RB1: variants seen among roughly 807,000 people sequenced by gnomAD.
RB1 encodes retinoblastoma-associated protein.
Under a neutral mutation model 135.4 loss-of-function variants are expected in RB1, and 18 were observed. That is an observed-to-expected ratio of 0.13 (90% CI 0.09 to 0.20). The LOEUF is 0.20. Among genes scored for constraint, RB1 ranks in the 10% least tolerant of loss-of-function variants. The probability of loss-of-function intolerance (pLI) is 1.00; values close to 1 mark genes in which losing one functional copy is unlikely to be tolerated. For missense variants in RB1, 868 were observed against 1,110.0 expected (o/e 0.78, Z 3.10); for synonymous variants, 365 against 373.2 (o/e 0.98, Z 0.25).
intron 17 of RB1, among the ~76,000 whole-genome samples, chr13:48,443,565 C>T (rs1949258716): frequency 6.6e-6 from 1 of 152,054 alleles, no homozygotes. Context: ...TCAAATAAAA[C>T]CTTTTAAACT....
At chr13:48,436,927 A>G (rs576015634) in intron 17 of RB1, among the ~76,000 whole-genome samples, 1 of 152,258 alleles carries the variant, frequency 6.6e-6, no homozygotes, top group East Asian at 1.9e-4. Flanking sequence ...CACTTCCTCT[A>G]TTGTTAATTT....
chr13:48,411,612 G>C (rs766294393), intron 17 of RB1: 12 of 1,611,948 alleles, frequency 7.4e-6, no homozygotes, highest in Non-Finnish European at 1.0e-5. Flanking sequence ...TGGGTACATT[G>C]TCCTTACTGC....
intron 2 of RB1, among the ~76,000 whole-genome samples, chr13:48,330,103 G>C (rs1566182314): frequency 6.7e-6 from 1 of 149,004 alleles, no homozygotes; most frequent in Non-Finnish European, 1.5e-5. Flanking sequence ...AATCAAAATG[G>C]AAATTAAAAA....
intron 2 of RB1, among the ~76,000 whole-genome samples, chr13:48,330,349 T>C (rs1323874677): frequency 6.6e-6 from 1 of 151,248 alleles, no homozygotes; most frequent in Non-Finnish European, 1.5e-5. Context: ...AATGAAAGAC[T>C]CAAAAAACAA....
chr13:48,325,615 A>G (rs1426050167), intron 2 of RB1, among the ~76,000 whole-genome samples: 1 of 152,040 alleles, frequency 6.6e-6, no homozygotes, highest in African/African-American at 2.4e-5. Context: ...ATTATTCTAC[A>G]CCTTGCTTTT....
At chr13:48,389,504 G>A (rs1430985388) in intron 17 of RB1, 4 of 152,186 alleles carry the variant, frequency 2.6e-5, no homozygotes, top group Non-Finnish European at 5.9e-5. Flanking sequence ...AAATCAGAAA[G>A]GTAGGGTTTA....
chr13:48,369,621 C>T (rs950639312), intron 11 of RB1, among the ~76,000 whole-genome samples: 4 of 152,188 alleles, frequency 2.6e-5, no homozygotes, highest in Admixed American at 6.5e-5. Context: ...TTCTTTCTCA[C>T]TCTGTGTTAG....
At chr13:48,464,581 G>A (rs1251398104) in intron 21 of RB1, among the ~76,000 whole-genome samples, 8 of 152,134 alleles carry the variant, frequency 5.3e-5, no homozygotes, top group East Asian at 3.8e-4. Context: ...GGGGGATACC[G>A]GGAGGTACAG....
In RB1 at chr13:48,367,049, G is replaced by A. The variant is rs550681862; in HGVS notation, c.940-445G>A. Among the ~76,000 whole-genome samples the A allele has an allele frequency of 4.1e-4, 60 of 145,280 alleles. 1 individual carries two copies. The highest frequency in any genetic ancestry group is 1.3e-3 in the South Asian group (6 of 4,650). On this transcript the variant is annotated intron_variant, in intron 9 of 26. Coordinates refer to ENST00000267163, the MANE Select transcript of RB1 (RefSeq NM_000321.3). The stretch of plus-strand genomic sequence containing the variant: ...CAGGAAAGTTGCTTGAACCCCGGGG[G>A]CAGAGGTGGCAGTGAGCCGAGATTG...
At chr13:48,376,770 A>G in intron 12 of RB1, 148 bp from the exon 13 acceptor site, 1 of 1,150,278 alleles carries the variant, frequency 8.7e-7, no homozygotes, top group Non-Finnish European at 1.2e-6. Context: ...TTGTCTGCTT[A>G]TGTTCAGTAG....
In RB1 at chr13:48,480,308, T is replaced by C. The variant is rs1949530845; in HGVS notation, c.*237T>C. Reference sequence around the variant, plus strand: ...TGTGTAAATCCTGCCATTTAAAAAGTTGTAGCAGATTGTTTCCTCTTCCAA... The same window carrying C: ...TGTGTAAATCCTGCCATTTAAAAAGCTGTAGCAGATTGTTTCCTCTTCCAA... On this transcript the variant is annotated 3_prime_UTR_variant, in exon 27 of 27. Transcript: ENST00000267163. The C allele has an allele frequency of 3.7e-6, 2 of 547,278 alleles. No homozygotes were observed. The highest frequency in any genetic ancestry group is 6.6e-6 in the Non-Finnish European group (2 of 304,212). The allele number at this position is 547,278 out of a possible 1,614,324, so 33.9% of individuals were successfully genotyped here. A position where few individuals can be genotyped will look rare whatever the true frequency, so the allele number is the denominator to read the frequency against.
chr13:48,377,810 G>A (rs943313687), intron 13 of RB1, among the ~76,000 whole-genome samples: 2 of 152,058 alleles, frequency 1.3e-5, no homozygotes, highest in Non-Finnish European at 2.9e-5. Flanking sequence ...AAACCTAGAT[G>A]GTATAGCCGA....
At chr13:48,377,137 A>G in intron 13 of RB1, 103 bp downstream of exon 13, 17 of 1,234,534 alleles carry the variant, frequency 1.4e-5, no homozygotes, top group Non-Finnish European at 2.0e-5. Flanking sequence ...GTCTAGTAGT[A>G]TAAAATACTG....
chr13:48,444,070 A>G (rs1056984805), intron 17 of RB1, among the ~76,000 whole-genome samples: 6 of 152,050 alleles, frequency 3.9e-5, no homozygotes, highest in Non-Finnish European at 8.8e-5. Context: ...CTACTTGGAG[A>G]TAGTGTCAGA....
At chr13:48,368,218 A>T (rs1371945340) in intron 10 of RB1, among the ~76,000 whole-genome samples, 1 of 152,216 alleles carries the variant, frequency 6.6e-6, no homozygotes, top group East Asian at 1.9e-4. Context: ...ATGCTTTTTA[A>T]TACTGAACAA....
chr13:48,480,098 T>G lies in RB1; in HGVS notation c.*27T>G, dbSNP rs771646201. On this transcript the variant is annotated 3_prime_UTR_variant, in exon 27 of 27. Coordinates refer to ENST00000267163, the MANE Select transcript of RB1 (RefSeq NM_000321.3). ...GATCTCAGGACCTTGGTGGACACTG[T>G]GTACACCTCTGGATTCATTGTCTCT... The G allele has an allele frequency of 6.4e-7, 1 of 1,556,586 alleles. No homozygotes were observed. Among genetic ancestry groups the G allele is most frequent in the East Asian group, 2.3e-5 (1 of 44,194 alleles).
intron 2 of RB1, among the ~76,000 whole-genome samples, chr13:48,313,697 G>A (rs1952153758): frequency 6.9e-6 from 1 of 145,276 alleles, no homozygotes; most frequent in African/African-American, 2.5e-5. Context: ...AAAAACCAGG[G>A]TTTATTTCTG....
chr13:48,430,749 A>C (rs3020645), intron 17 of RB1, among the ~76,000 whole-genome samples: 33,591 of 87,910 alleles, frequency 0.38, 3,921 homozygotes, highest in Non-Finnish European at 0.52. Flanking sequence ...CAAAAACAAA[A>C]AAACAAACAA....
At chr13:48,367,900 T>C (rs973792467) in intron 10 of RB1, among the ~76,000 whole-genome samples, 1 of 152,160 alleles carries the variant, frequency 6.6e-6, no homozygotes, top group Non-Finnish European at 1.5e-5. Context: ...CTTCAAATAG[T>C]GGTCTCTACC....
Sources: gnomAD v4.1 joint callset for allele counts (sites outside exome capture counted in the v4.1 genomes callset) on GRCh38, gnomAD v4.1.1 for gene constraint, MANE v1.5 for transcripts, NCBI Gene and HGNC (gene_info 2026-07-23, HGNC 2026-07-21) for gene names.